The following GRIK2 variants were observed in gnomAD, a reference collection of about 807,000 sequenced individuals.
The protein encoded by GRIK2 is glutamate receptor ionotropic, kainate 2.
GRIK2 carries 32 observed loss-of-function variants against 100.3 expected under a neutral mutation model. That is an observed-to-expected ratio of 0.32 (90% CI 0.24 to 0.43). GRIK2 has a LOEUF of 0.43. GRIK2 is among the 20% of genes least tolerant of loss of function. The pLI, the probability that GRIK2 is intolerant of heterozygous loss-of-function variation, is 1.00. For synonymous variants in GRIK2, 417 were observed against 389.4 expected, an observed-to-expected ratio of 1.07 and a Z score of -0.83; for missense variants, 843 against 1,114.9, an observed-to-expected ratio of 0.76 and a Z score of 3.47.
At chr6:102,054,920 A>T (rs1771391258) in intron 15 of GRIK2, among the ~76,000 whole-genome samples, 1 of 152,088 alleles carries the variant, frequency 6.6e-6, no homozygotes, top group Admixed American at 6.6e-5. Context: ...GGAAACACCA[A>T]TTTTTCACAA....
chr6:101,750,369 G>A (rs747324031), intron 7 of GRIK2, among the ~76,000 whole-genome samples: 1 of 152,104 alleles, frequency 6.6e-6, no homozygotes, highest in Non-Finnish European at 1.5e-5. Context: ...ATTTTGTGAT[G>A]TGTCCATGAT....
chr6:101,824,193 A>T (rs1371860907), intron 10 of GRIK2, among the ~76,000 whole-genome samples: 1 of 151,566 alleles, frequency 6.6e-6, no homozygotes, highest in Non-Finnish European at 1.5e-5. Flanking sequence ...CCATGAGTTA[A>T]CTCTTTAGTG....
intron 14 of GRIK2, among the ~76,000 whole-genome samples, chr6:101,982,152 A>C (rs1250082903): frequency 6.6e-6 from 1 of 151,890 alleles, no homozygotes. Context: ...ATTTGTCATC[A>C]AACTTCAGCA....
At chr6:101,528,208 C>A (rs962409728) in intron 2 of GRIK2, among the ~76,000 whole-genome samples, 1 of 152,172 alleles carries the variant, frequency 6.6e-6, no homozygotes, top group African/African-American at 2.4e-5. Context: ...TAGCTATTAT[C>A]ATTACAGGTC....
At chr6:101,621,079 G>A (rs537247647) in intron 2 of GRIK2, among the ~76,000 whole-genome samples, 1 of 152,206 alleles carries the variant, frequency 6.6e-6, no homozygotes, top group Admixed American at 6.5e-5. Flanking sequence ...TTCTTAAAAG[G>A]GACTTAGAAT....
At chr6:101,438,293 G>GT (rs545092025) in intron 2 of GRIK2, among the ~76,000 whole-genome samples, 10 of 151,374 alleles carry the variant, frequency 6.6e-5, no homozygotes, top group Non-Finnish European at 8.9e-5. Context: ...ATTTGTTGTT[G>GT]TTTTTTTTGT....
intron 2 of GRIK2, among the ~76,000 whole-genome samples, chr6:101,528,938 T>G (rs1775286196): frequency 6.6e-6 from 1 of 152,076 alleles, no homozygotes; most frequent in African/African-American, 2.4e-5. Context: ...AAAGACAACT[T>G]GCTAAAATAT....
chr6:101,815,060 C>T (rs766133729), intron 9 of GRIK2, among the ~76,000 whole-genome samples: 6 of 152,050 alleles, frequency 3.9e-5, no homozygotes, highest in African/African-American at 7.2e-5. Flanking sequence ...ATAATGTACC[C>T]GAGTCACCTG....
intron 4 of GRIK2, among the ~76,000 whole-genome samples, chr6:101,643,297 T>C (rs1195002862): frequency 6.6e-6 from 1 of 151,682 alleles, no homozygotes; most frequent in African/African-American, 2.4e-5. Context: ...TTGCCAAATC[T>C]AATGTCATGA....
At chr6:101,853,445 A>G (rs985027725) in intron 10 of GRIK2, among the ~76,000 whole-genome samples, 1 of 152,216 alleles carries the variant, frequency 6.6e-6, no homozygotes, top group Non-Finnish European at 1.5e-5. Context: ...ACCAAATGCT[A>G]GGAAGAATGT....
At chr6:101,486,806 T>C (rs1772859013) in intron 2 of GRIK2, among the ~76,000 whole-genome samples, 1 of 146,656 alleles carries the variant, frequency 6.8e-6, no homozygotes, top group African/African-American at 2.6e-5. Context: ...GTATTTTGAT[T>C]TACAAGTGTC....
chr6:101,436,111 A>G (rs1036953913), intron 2 of GRIK2, among the ~76,000 whole-genome samples: 44 of 152,280 alleles, frequency 2.9e-4, no homozygotes, highest in African/African-American at 1.0e-3. Flanking sequence ...TTTGGTTAAT[A>G]AACTTCCTAT....
intron 4 of GRIK2, among the ~76,000 whole-genome samples, chr6:101,671,594 G>A (rs890985853): frequency 1.3e-5 from 2 of 152,156 alleles, no homozygotes; most frequent in Non-Finnish European, 2.9e-5. Context: ...GGCTGGGCAC[G>A]GTGGCTCACG....
At chr6:101,533,801 A>G (rs1425515382) in intron 2 of GRIK2, among the ~76,000 whole-genome samples, 1 of 151,990 alleles carries the variant, frequency 6.6e-6, no homozygotes, top group Non-Finnish European at 1.5e-5. Flanking sequence ...TATTTTCATT[A>G]TGAAGGAAAT....
chr6:101,842,255 G>A (rs1434048470), intron 10 of GRIK2, among the ~76,000 whole-genome samples: 1 of 151,982 alleles, frequency 6.6e-6, no homozygotes, highest in African/African-American at 2.4e-5. Context: ...CAGGCCATGT[G>A]TTGGTGAACT....
intron 15 of GRIK2, among the ~76,000 whole-genome samples, chr6:102,051,256 CCTTCCTT>C (rs1562140235): frequency 5.3e-3 from 302 of 56,552 alleles, no homozygotes; most frequent in Non-Finnish European, 6.5e-3. Context: ...TCCCTCCCTT[CCTTCCTT>C]CCTTCCTTCC....
At chr6:101,441,287 G>T (rs1293096550) in intron 2 of GRIK2, among the ~76,000 whole-genome samples, 4 of 152,044 alleles carry the variant, frequency 2.6e-5, no homozygotes, top group Non-Finnish European at 5.9e-5. Context: ...GCTTTTGAGG[G>T]AATAGGCCCT....
rs181405178 is a variant in GRIK2 at position 101,624,580 on chromosome 6, A to T, written c.284-1800A>T. On this transcript the variant is annotated intron_variant, in intron 3 of 16. Coordinates refer to ENST00000369134, the MANE Select transcript of GRIK2 (RefSeq NM_021956.5). ...GAGGGAAAATAGCAGAAATTTTCAC[A>T]CGGTAGAATAATAAACTATCCATTT... Among the ~76,000 whole-genome samples the T allele has an allele frequency of 4.5e-4, 68 of 152,318 alleles. 1 individual carries two copies. Among genetic ancestry groups the T allele is most frequent in the African/African-American group, 1.6e-3 (65 of 41,586 alleles).
intron 2 of GRIK2, among the ~76,000 whole-genome samples, chr6:101,495,689 T>G (rs1052966818): frequency 3.3e-5 from 5 of 152,182 alleles, no homozygotes; most frequent in African/African-American, 1.2e-4. Flanking sequence ...TATAAATGTT[T>G]TTAAGGCTTC....
Sources: allele counts gnomAD v4.1 joint callset (sites outside exome capture counted in the v4.1 genomes callset), GRCh38; gene constraint gnomAD v4.1.1; transcripts MANE v1.5; gene names NCBI Gene and HGNC (gene_info 2026-07-23, HGNC 2026-07-21).